Variants in RAP1GAP2 observed in about 807,000 individuals in gnomAD.
RAP1GAP2 encodes the protein RAP1 GTPase activating protein 2.
A neutral mutation model predicts 95.0 loss-of-function variants in RAP1GAP2; 27 were observed. The ratio of observed to expected loss-of-function variants is 0.28; its 90% CI spans 0.21 to 0.39. The LOEUF (loss-of-function observed/expected upper bound fraction) is 0.39, where lower values mean the gene tolerates loss of function less well. Among genes scored for constraint, RAP1GAP2 ranks in the 10% least tolerant of loss-of-function variants. The pLI, the probability that RAP1GAP2 is intolerant of heterozygous loss-of-function variation, is 1.00. For missense variants in RAP1GAP2, 771 were observed against 970.0 expected, an observed-to-expected ratio of 0.79 and a Z score of 2.72; for synonymous variants, 373 against 380.9, an observed-to-expected ratio of 0.98 and a Z score of 0.24.
chr17:2,890,030 T>G (rs2007307), intron 2 of RAP1GAP2, among the ~76,000 whole-genome samples: 128,427 of 150,900 alleles, frequency 0.85, 54,861 homozygotes, highest in Admixed American at 0.91. Context: ...GCCTGCGCTG[T>G]GTTCTGTAGG....
In RAP1GAP2 at chr17:2,904,568, G is replaced by GTGTGTGTGTGTGTGTGTGTGTGTGTGTA. The variant is rs1193597954; in HGVS notation, c.81-715_81-714insGTGTGTGTGTGTGTGTGTGTGTGTGTAT. Among the ~76,000 whole-genome samples the GTGTGTGTGTGTGTGTGTGTGTGTGTGTA allele has an allele frequency of 6.6e-6, 1 of 151,490 alleles. No individual in the cohort carries two copies. Among genetic ancestry groups the GTGTGTGTGTGTGTGTGTGTGTGTGTGTA allele is most frequent in the African/African-American group, 2.4e-5 (1 of 41,236 alleles). The stretch of plus-strand genomic sequence containing the variant: ...TGTGTGTGTGTGTGTGTGTGTGTGT[G>GTGTGTGTGTGTGTGTGTGTGTGTGTGTA]TACGTGCAGAGGGGCTCAAGGGAGA... On this transcript the variant is annotated intron_variant, in intron 2 of 24. Coordinates refer to ENST00000254695, the MANE Select transcript of RAP1GAP2 (RefSeq NM_015085.5). This position sits in a 1 kb window ranked among gnomAD's most constrained non-coding sequence, Gnocchi z 4.7.
At chr17:2,941,605 C>T (rs1329686232) in intron 3 of RAP1GAP2, among the ~76,000 whole-genome samples, 7 of 149,820 alleles carry the variant, frequency 4.7e-5, no homozygotes, top group Admixed American at 1.3e-4. Context: ...CTTGTGATGG[C>T]GGACTTGCCA....
chr17:2,810,857 A>G, intron 2 of RAP1GAP2, among the ~76,000 whole-genome samples: 1 of 151,736 alleles, frequency 6.6e-6, no homozygotes, highest in East Asian at 1.9e-4. Flanking sequence ...CTTTATGCAA[A>G]TCTCCTGTGC....
At chr17:2,927,715 C>T (rs2043015559) in intron 3 of RAP1GAP2, among the ~76,000 whole-genome samples, 1 of 152,226 alleles carries the variant, frequency 6.6e-6, no homozygotes, top group South Asian at 2.1e-4. Flanking sequence ...CAAGGACCCA[C>T]CTTCATGGGC....
chr17:2,976,058 C>T (rs976714268), intron 8 of RAP1GAP2, among the ~76,000 whole-genome samples: 1 of 152,168 alleles, frequency 6.6e-6, no homozygotes, highest in African/African-American at 2.4e-5. Flanking sequence ...TTAACTTGTA[C>T]TTAATAACGT....
At chr17:2,976,655 ACT>A (rs887417437) in intron 8 of RAP1GAP2, among the ~76,000 whole-genome samples, 10 of 152,102 alleles carry the variant, frequency 6.6e-5, no homozygotes, top group East Asian at 3.9e-4. Context: ...AGTTGAAAAA[ACT>A]CTGAAGAAAA....
At chr17:2,974,187 A>C (rs1405630487) in intron 8 of RAP1GAP2, among the ~76,000 whole-genome samples, 1 of 148,904 alleles carries the variant, frequency 6.7e-6, no homozygotes, top group Non-Finnish European at 1.5e-5. Flanking sequence ...TAAAAATACA[A>C]AAAAAAAAAA....
rs567164475 is a variant in RAP1GAP2, at chr17:2,979,928, G to T, written c.597-359G>T. On this transcript the variant is annotated intron_variant, in intron 8 of 24. Coordinates refer to ENST00000254695, the MANE Select transcript of RAP1GAP2 (RefSeq NM_015085.5). ...TGTGATCTCGGCCACCTTCCTCTTG[G>T]ACTGTTTCTTTCCTTTTCTTCTTTT... Among the ~76,000 whole-genome samples the T allele has an allele frequency of 4.0e-5, 6 of 151,632 alleles. No individual in the cohort carries two copies. In the East Asian group the frequency reaches 1.2e-3, roughly 30 times the overall value.
At chr17:2,979,050 G>T (rs7224684) in intron 8 of RAP1GAP2, among the ~76,000 whole-genome samples, 3 of 151,898 alleles carry the variant, frequency 2.0e-5, no homozygotes, top group African/African-American at 7.3e-5. Flanking sequence ...GAAGTAAGTG[G>T]AGTTTTTACC....
rs552524729 is a variant in RAP1GAP2 at position 2,827,760 on chromosome 17, C to T, written c.80+27210C>T. On this transcript the variant is annotated intron_variant, in intron 2 of 24. Transcript: ENST00000254695. The surrounding 1 kb of genome is among the most constrained non-coding windows in gnomAD (Gnocchi z 4.1). ...TCTGACTGGGAACTGGGATCTCATT[C>T]ATCCCATCTGGTCAGCATCTCTTTG... 2.6e-5 allele frequency among the ~76,000 whole-genome samples: 4 copies of T among 152,194 alleles called. No individual in the cohort carries two copies. In the East Asian group the frequency reaches 7.7e-4, roughly 29 times the overall value.
chr17:2,946,838 T>C (rs1186816535), intron 3 of RAP1GAP2, among the ~76,000 whole-genome samples: 1 of 152,276 alleles, frequency 6.6e-6, no homozygotes, highest in South Asian at 2.1e-4. Context: ...CACTGCAACC[T>C]CCACCCCCCG....
intron 17 of RAP1GAP2, among the ~76,000 whole-genome samples, chr17:3,010,336 CAAAAAAAAAAAAA>C (rs1179623628): frequency 1.1e-4 from 8 of 70,276 alleles, no homozygotes; most frequent in South Asian, 5.0e-4. Context: ...GAGACTGTCT[CAAAAAAAAAAAAA>C]AAAAAAAAAA....
chr17:2,832,340 C>CAT (rs2070902494), intron 2 of RAP1GAP2, among the ~76,000 whole-genome samples: 1 of 150,818 alleles, frequency 6.6e-6, no homozygotes, highest in Admixed American at 6.6e-5. Context: ...GGGTGGATCA[C>CAT]GAGGTCAGGA....
At chr17:2,889,833 C>T (rs1045079649) in intron 2 of RAP1GAP2, among the ~76,000 whole-genome samples, 1 of 144,222 alleles carries the variant, frequency 6.9e-6, no homozygotes, top group African/African-American at 2.6e-5. Flanking sequence ...CAGGCGCACG[C>T]CACCACGCCT....
intron 1 of RAP1GAP2, among the ~76,000 whole-genome samples, chr17:2,782,288 C>T (rs984802593): frequency 3.3e-5 from 5 of 152,226 alleles, no homozygotes; most frequent in African/African-American, 1.2e-4. Flanking sequence ...GCCCCATCCT[C>T]CCGAGCTCTG....
chr17:2,954,249 C>T (rs1236963901), intron 3 of RAP1GAP2, among the ~76,000 whole-genome samples: 6 of 151,536 alleles, frequency 4.0e-5, no homozygotes, highest in Admixed American at 6.6e-5. Flanking sequence ...GGATTACAGG[C>T]GCCCGCCACC....
At chr17:2,809,005 C>T (rs1486664121) in intron 2 of RAP1GAP2, among the ~76,000 whole-genome samples, 4 of 152,238 alleles carry the variant, frequency 2.6e-5, no homozygotes, top group East Asian at 1.9e-4. Flanking sequence ...GGAAGGCGAG[C>T]GCTTAGCCGG....
chr17:2,864,202 T>A (rs2072531011), intron 2 of RAP1GAP2, among the ~76,000 whole-genome samples: 1 of 151,602 alleles, frequency 6.6e-6, no homozygotes. Flanking sequence ...AGGTGGGGAG[T>A]GGGCCCCTGC....
At position 3,008,692 on chromosome 17, in the gene RAP1GAP2, A is replaced by G. The variant is rs1344262113; in HGVS notation, c.1494+547A>G. 6.6e-6 allele frequency among the ~76,000 whole-genome samples: 1 copy of G among 152,160 alleles called. No homozygotes were observed. Among genetic ancestry groups the G allele is most frequent in the Non-Finnish European group, 1.5e-5 (1 of 68,024 alleles). On this transcript the variant is annotated intron_variant, in intron 17 of 24. Transcript: ENST00000254695. This position sits in a 1 kb window ranked among gnomAD's most constrained non-coding sequence, Gnocchi z 4.2. ...ACTAACTAGAAGGAGCTGCTAAAGG[A>G]AGCAGTGAGCTCCCTGTCCCTGGAA... is the stretch of plus-strand genomic sequence containing the variant.
Sources: allele counts gnomAD v4.1 joint callset (sites outside exome capture counted in the v4.1 genomes callset), GRCh38; gene constraint gnomAD v4.1.1; non-coding constraint Gnocchi (gnomAD v3.1); transcripts MANE v1.5; gene names NCBI Gene and HGNC (gene_info 2026-07-23, HGNC 2026-07-21).